MSRA: variants seen among roughly 807,000 people sequenced by gnomAD.
MSRA encodes the protein methionine sulfoxide reductase A.
MSRA carries 54 observed loss-of-function variants against 31.3 expected under a neutral mutation model. That is an observed-to-expected ratio of 1.73 (90% confidence interval 1.39 to 2.17). The LOEUF (loss-of-function observed/expected upper bound fraction) is 2.17. Among genes scored for constraint, MSRA ranks in the 30% most tolerant of loss-of-function variants. The pLI is 0.00. For missense variants in MSRA, 507 were observed against 300.9 expected (o/e 1.69, Z -5.07); for synonymous variants, 169 against 116.5 (o/e 1.45, Z -2.90).
At chr8:10,413,660 T>TC (rs1808288670) in intron 5 of MSRA, among the ~76,000 whole-genome samples, 1 of 27,564 alleles carries the variant, frequency 3.6e-5, no homozygotes, top group East Asian at 1.8e-3. Flanking sequence ...GAGAGAGATA[T>TC]TAAAAAAAAA....
chr8:10,373,831 C>T (rs1218670139), intron 5 of MSRA, among the ~76,000 whole-genome samples: 1 of 152,158 alleles, frequency 6.6e-6, no homozygotes, highest in Non-Finnish European at 1.5e-5. Context: ...GCTGTTGAGC[C>T]CCTGGAGGGC....
At chr8:10,281,604 A>G (rs1014741186) in intron 3 of MSRA, among the ~76,000 whole-genome samples, 1 of 152,236 alleles carries the variant, frequency 6.6e-6, no homozygotes, top group Admixed American at 6.5e-5. Flanking sequence ...ACTTAGAAAA[A>G]TGCTATCGAT....
chr8:10,374,364 G>T (rs962424230), intron 5 of MSRA, among the ~76,000 whole-genome samples: 1 of 152,142 alleles, frequency 6.6e-6, no homozygotes, highest in African/African-American at 2.4e-5. Context: ...GTGGACCTTG[G>T]TGCTGTACGG....
intron 4 of MSRA, among the ~76,000 whole-genome samples, chr8:10,308,972 C>G (rs1056131678): frequency 6.6e-6 from 1 of 152,194 alleles, no homozygotes; most frequent in Non-Finnish European, 1.5e-5. Flanking sequence ...GTAAATGTTG[C>G]TCTTCCTTGC....
intron 5 of MSRA, among the ~76,000 whole-genome samples, chr8:10,368,751 A>G (rs1805309148): frequency 6.6e-6 from 1 of 152,266 alleles, no homozygotes; most frequent in Non-Finnish European, 1.5e-5. Flanking sequence ...ACATAGGGAC[A>G]GAGTGAATGT....
intron 2 of MSRA, among the ~76,000 whole-genome samples, chr8:10,210,329 G>T (rs1809367218): frequency 6.6e-6 from 1 of 152,190 alleles, no homozygotes; most frequent in African/African-American, 2.4e-5. Context: ...CTATGTTCTT[G>T]TTGTGATGTT....
chr8:10,111,837 T>C (rs546411533), intron 1 of MSRA, among the ~76,000 whole-genome samples: 7 of 152,280 alleles, frequency 4.6e-5, no homozygotes, highest in Non-Finnish European at 7.4e-5. Context: ...CTCATGTAGG[T>C]CTCACACAAC....
chr8:10,247,593 A>AGT (rs1797690188), intron 3 of MSRA, among the ~76,000 whole-genome samples: 1 of 152,224 alleles, frequency 6.6e-6, no homozygotes, highest in Non-Finnish European at 1.5e-5. Flanking sequence ...GCCTCTAGCA[A>AGT]GTGGTAAAGT....
intron 3 of MSRA, among the ~76,000 whole-genome samples, chr8:10,255,324 C>T (rs1798120056): frequency 6.6e-6 from 1 of 152,172 alleles, no homozygotes; most frequent in African/African-American, 2.4e-5. Flanking sequence ...TTCTCTGCCT[C>T]CTTAGAGGTG....
chr8:10,424,596 C>T (rs1461718786), intron 5 of MSRA, among the ~76,000 whole-genome samples: 3 of 144,902 alleles, frequency 2.1e-5, no homozygotes, highest in Non-Finnish European at 4.5e-5. Context: ...TGGAGAGGGA[C>T]AGGGAGAAGG....
intron 3 of MSRA, among the ~76,000 whole-genome samples, chr8:10,268,061 C>G (rs558678726): frequency 4.8e-4 from 73 of 152,206 alleles, no homozygotes; most frequent in African/African-American, 1.7e-3. Context: ...AGGGCCAAGA[C>G]CTGTAATTTT....
Position 10,301,630 on chromosome 8 carries a change from C to G in MSRA, c.428C>G (p.Pro143Arg), listed in dbSNP as rs774632520. Reference protein sequence around the residue: ...LLKVFWENHDPTQGMRQGNDH... With the variant: ...LLKVFWENHDRTQGMRQGNDH... ...AAGGTCTTCTGGGAGAATCACGACCCGACCCAAGGTAGAGTGATGAGTGAG... is the reference window on the plus strand; with the variant it reads ...AAGGTCTTCTGGGAGAATCACGACCGGACCCAAGGTAGAGTGATGAGTGAG... Residue 143 changes from proline to arginine, a missense_variant, in exon 4 of 6, where the codon CCG becomes CGG. By Grantham distance (103) the Pro-to-Arg change is moderately radical. Coordinates refer to ENST00000317173, the MANE Select transcript of MSRA (RefSeq NM_012331.5). 22 of 1,613,244 alleles carry G rather than the reference C, an allele frequency of 1.4e-5. No individual in the cohort carries two copies. The highest frequency in any genetic ancestry group is 4.5e-5 in the East Asian group (2 of 44,884).
In MSRA at chr8:10,412,187, T is replaced by G. The variant is rs572677949; in HGVS notation, c.544-15961T>G. Among the ~76,000 whole-genome samples the G allele has an allele frequency of 5.3e-5, 8 of 152,372 alleles. No homozygotes were observed. The East Asian group carries it at 9.6e-4, about 18-fold the overall frequency. On this transcript the variant is annotated intron_variant, in intron 5 of 5. Transcript: ENST00000317173. ...ACAGTCATAAGGAAAATGTTTCCGT[T>G]TTTAGTCTGAACAAATAATTGTATA...
At chr8:10,260,698 G>C (rs74903973) in intron 3 of MSRA, among the ~76,000 whole-genome samples, 1,759 of 152,236 alleles carry the variant, frequency 0.012, 33 homozygotes, top group African/African-American at 0.04. Context: ...GCATTGGTGG[G>C]GGGGAATAAA....
At chr8:10,104,497 A>G (rs1031337559) in intron 1 of MSRA, among the ~76,000 whole-genome samples, 4 of 152,142 alleles carry the variant, frequency 2.6e-5, no homozygotes, top group Non-Finnish European at 4.4e-5. Context: ...AACTTGAATC[A>G]GGGGCTTCTA....
At chr8:10,353,731 C>T (rs573410828) in intron 5 of MSRA, 22 of 444,428 alleles carry the variant, frequency 5.0e-5, no homozygotes, top group East Asian at 2.2e-4. Context: ...CACCTGTCTA[C>T]GTCCTGAGAT....
At chr8:10,411,731 G>T (rs921303320) in intron 5 of MSRA, among the ~76,000 whole-genome samples, 13 of 152,344 alleles carry the variant, frequency 8.5e-5, no homozygotes, top group African/African-American at 2.9e-4. Context: ...AAATAAAGTT[G>T]CTAAGTCTCA....
chr8:10,104,835 C>G (rs1016435369), intron 1 of MSRA, among the ~76,000 whole-genome samples: 5 of 152,114 alleles, frequency 3.3e-5, no homozygotes, highest in Admixed American at 6.6e-5. Context: ...GAGGAGAGGT[C>G]CATTCAGATG....
chr8:10,346,772 G>C (rs1035917690), intron 5 of MSRA, among the ~76,000 whole-genome samples: 2 of 152,194 alleles, frequency 1.3e-5, no homozygotes, highest in African/African-American at 4.8e-5. Flanking sequence ...CAAAAGTTAG[G>C]GAAACTGTCA....
Sources: gnomAD v4.1 joint callset for allele counts (sites outside exome capture counted in the v4.1 genomes callset) on GRCh38, gnomAD v4.1.1 for gene constraint, MANE v1.5 for transcripts, NCBI Gene and HGNC (gene_info 2026-07-23, HGNC 2026-07-21) for gene names.